Variants in MAGI2 observed in about 807,000 individuals in gnomAD.
The protein encoded by MAGI2 is membrane-associated guanylate kinase, WW and PDZ domain-containing protein 2.
In MAGI2, 35 loss-of-function variants were observed where a neutral mutation model predicts 133.3. That is an observed-to-expected ratio of 0.26 (90% CI 0.20 to 0.35). The LOEUF (loss-of-function observed/expected upper bound fraction) is 0.35, where lower values mean the gene tolerates loss of function less well. Among genes scored for constraint, MAGI2 ranks in the 10% least tolerant of loss-of-function variants. The pLI, the probability that MAGI2 is intolerant of heterozygous loss-of-function variation, is 1.00. For synonymous variants in MAGI2, 729 were observed against 710.6 expected, an observed-to-expected ratio of 1.03 and a Z score of -0.41; for missense variants, 1,636 against 1,863.4, an observed-to-expected ratio of 0.88 and a Z score of 2.25.
intron 1 of MAGI2, among the ~76,000 whole-genome samples, chr7:79,255,450 C>A (rs1274479338): frequency 6.6e-6 from 1 of 152,034 alleles, no homozygotes. Flanking sequence ...CAATACACAT[C>A]TAACTTCTAT....
intron 1 of MAGI2, among the ~76,000 whole-genome samples, chr7:79,091,973 A>G (rs1401570764): frequency 6.6e-6 from 1 of 151,992 alleles, no homozygotes; most frequent in Non-Finnish European, 1.5e-5. Context: ...TTCTGTTGTA[A>G]ACCATGGTAC....
At chr7:78,240,427 T>G (rs1401958570) in intron 10 of MAGI2, among the ~76,000 whole-genome samples, 1 of 152,194 alleles carries the variant, frequency 6.6e-6, no homozygotes, top group Admixed American at 6.5e-5. Flanking sequence ...AGAAAATGTG[T>G]TATATCTATA....
rs549149842 is a variant in MAGI2 at position 78,875,678 on chromosome 7, C to T, written c.418+131412G>A. On this transcript the variant is annotated intron_variant, in intron 2 of 21. Coordinates refer to ENST00000354212, the MANE Select transcript of MAGI2 (RefSeq NM_012301.4). ...TATTATATAAAATGACCAATTTCAA[C>T]CCAAAATTACTAAATATGCAAAGAA... 3.3e-5 allele frequency among the ~76,000 whole-genome samples: 5 copies of T among 152,062 alleles called. No individual in the cohort carries two copies. The East Asian group carries it at 7.7e-4, about 24-fold the overall frequency.
rs577634800 is a variant in MAGI2, at chr7:78,976,376, T to C, written c.418+30714A>G. The stretch of plus-strand genomic sequence containing the variant: ...GAAAAGCATTTGACAAAATACAACA[T>C]CTATTCATGACAAAAACTCTCACCA... On this transcript the variant is annotated intron_variant, in intron 2 of 21. Coordinates refer to ENST00000354212, the MANE Select transcript of MAGI2 (RefSeq NM_012301.4). 2.6e-5 allele frequency among the ~76,000 whole-genome samples: 4 copies of C among 151,516 alleles called. No individual in the cohort carries two copies. In the East Asian group the frequency reaches 5.9e-4, roughly 22 times the overall value.
intron 6 of MAGI2, among the ~76,000 whole-genome samples, chr7:78,397,115 T>C (rs770105580): frequency 5.9e-5 from 9 of 152,208 alleles, no homozygotes; most frequent in Non-Finnish European, 1.0e-4. Context: ...AGAATGTTTA[T>C]ATTCAGGAAA....
intron 1 of MAGI2, among the ~76,000 whole-genome samples, chr7:79,076,332 C>A (rs750987312): frequency 6.6e-6 from 1 of 152,168 alleles, no homozygotes. Context: ...GAGGACACCT[C>A]GTGGTCTCTG....
intron 1 of MAGI2, among the ~76,000 whole-genome samples, chr7:79,211,261 C>T (rs914282663): frequency 3.3e-5 from 5 of 151,854 alleles, no homozygotes; most frequent in South Asian, 2.1e-4. Flanking sequence ...TTTGTTAAAA[C>T]GTACACAAAC....
intron 7 of MAGI2, among the ~76,000 whole-genome samples, chr7:78,349,925 C>G (rs565500658): frequency 5.9e-5 from 9 of 152,146 alleles, no homozygotes; most frequent in Non-Finnish European, 1.2e-4. Context: ...ATTGTTTAGG[C>G]TCTGTGAGGT....
chr7:78,972,677 G>A (rs576242761), intron 2 of MAGI2, among the ~76,000 whole-genome samples: 1 of 151,852 alleles, frequency 6.6e-6, no homozygotes, highest in African/African-American at 2.4e-5. Context: ...ACAGATAATT[G>A]TAATTGACTT....
chr7:79,022,646 C>CAAAAAAAAAAAAAAAAAAA (rs61289194), intron 1 of MAGI2, among the ~76,000 whole-genome samples: 1 of 118,630 alleles, frequency 8.4e-6, no homozygotes. Flanking sequence ...AGACAAGATC[C>CAAAAAAAAAAAAAAAAAAA]AAAAAAAAAA....
intron 1 of MAGI2, among the ~76,000 whole-genome samples, chr7:79,438,161 T>C (rs989180087): frequency 3.3e-5 from 5 of 152,094 alleles, no homozygotes; most frequent in African/African-American, 1.2e-4. Context: ...TCCTGTGAGC[T>C]CTAGATATAT....
At chr7:78,754,169 G>A (rs2151284813) in intron 2 of MAGI2, among the ~76,000 whole-genome samples, 1 of 152,126 alleles carries the variant, frequency 6.6e-6, no homozygotes, top group South Asian at 2.1e-4. Context: ...TTGAGCCCAG[G>A]AGTTCGGGAC....
At chr7:78,594,618 C>A (rs1804402428) in intron 3 of MAGI2, among the ~76,000 whole-genome samples, 1 of 152,054 alleles carries the variant, frequency 6.6e-6, no homozygotes, top group African/African-American at 2.4e-5. Context: ...CCACCATGCC[C>A]AGCTAATTTT....
intron 1 of MAGI2, among the ~76,000 whole-genome samples, chr7:79,259,279 A>T (rs1249276077): frequency 6.6e-6 from 1 of 152,224 alleles, no homozygotes; most frequent in African/African-American, 2.4e-5. Context: ...GTAGGAATAC[A>T]GTTCTTAACA....
At chr7:79,019,076 G>T (rs1326269048) in intron 1 of MAGI2, among the ~76,000 whole-genome samples, 1 of 152,066 alleles carries the variant, frequency 6.6e-6, no homozygotes, top group East Asian at 1.9e-4. Context: ...CACCACAAAA[G>T]AACAGAATGT....
intron 7 of MAGI2, among the ~76,000 whole-genome samples, chr7:78,348,089 C>G (rs532960627): frequency 6.6e-6 from 1 of 152,178 alleles, no homozygotes; most frequent in South Asian, 2.1e-4. Flanking sequence ...GTAGCTTCAC[C>G]TTTGGCTGCA....
intron 9 of MAGI2, among the ~76,000 whole-genome samples, chr7:78,294,078 A>T (rs1035233046): frequency 1.3e-5 from 1 of 78,728 alleles, no homozygotes; most frequent in Non-Finnish European, 2.6e-5. Flanking sequence ...AAAGTATAAT[A>T]AAAAAATATA....
At chr7:78,162,407 C>A (rs1392762903) in intron 15 of MAGI2, among the ~76,000 whole-genome samples, 1 of 151,584 alleles carries the variant, frequency 6.6e-6, no homozygotes, top group Non-Finnish European at 1.5e-5. Flanking sequence ...CTCCTGTAGT[C>A]CCAGCTACTC....
At chr7:78,731,565 A>C (rs1411790357) in intron 2 of MAGI2, among the ~76,000 whole-genome samples, 1 of 152,154 alleles carries the variant, frequency 6.6e-6, no homozygotes, top group Non-Finnish European at 1.5e-5. Context: ...AATCCCATTG[A>C]AATAATATTT....
Sources: allele counts gnomAD v4.1 joint callset (sites outside exome capture counted in the v4.1 genomes callset), GRCh38; gene constraint gnomAD v4.1.1; transcripts MANE v1.5; gene names NCBI Gene and HGNC (gene_info 2026-07-23, HGNC 2026-07-21).